ELMO1: variants seen among roughly 807,000 people sequenced by gnomAD.
ELMO1 encodes the protein engulfment and cell motility protein 1.
In ELMO1, 26 loss-of-function variants were observed where a neutral mutation model predicts 98.9. That is an observed-to-expected ratio of 0.26 (90% CI 0.19 to 0.36). ELMO1 has a LOEUF of 0.36. Ranked by LOEUF, ELMO1 falls within the 10% of genes least tolerant of loss-of-function variation. The pLI, the probability that ELMO1 is intolerant of heterozygous loss-of-function variation, is 1.00. For synonymous variants in ELMO1, 346 were observed against 346.0 expected (o/e 1.00, Z 0.00); for missense variants, 627 against 935.2 (o/e 0.67, Z 4.30).
chr7:37,029,768 C>G (rs1008723596), intron 15 of ELMO1, among the ~76,000 whole-genome samples: 2 of 152,110 alleles, frequency 1.3e-5, no homozygotes, highest in African/African-American at 2.4e-5. Flanking sequence ...ATAAAACATT[C>G]TTTTTTTATT....
chr7:36,894,110 A>G (rs1052075528), intron 17 of ELMO1, among the ~76,000 whole-genome samples: 2 of 152,228 alleles, frequency 1.3e-5, no homozygotes, highest in African/African-American at 4.8e-5. Flanking sequence ...ATATACGGGT[A>G]ACAAAATTGA....
intron 14 of ELMO1, among the ~76,000 whole-genome samples, chr7:37,124,906 C>G (rs576772487): frequency 6.6e-6 from 1 of 152,152 alleles, no homozygotes; most frequent in South Asian, 2.1e-4. Context: ...CTACAGTAAC[C>G]AAAACAGCAT....
At chr7:37,053,735 G>C (rs898366531) in intron 15 of ELMO1, among the ~76,000 whole-genome samples, 2 of 152,144 alleles carry the variant, frequency 1.3e-5, no homozygotes, top group Non-Finnish European at 2.9e-5. Context: ...GATTGACAGG[G>C]TTGTCAACAA....
At chr7:37,289,416 CAT>C (rs978381993) in intron 4 of ELMO1, among the ~76,000 whole-genome samples, 8 of 152,206 alleles carry the variant, frequency 5.3e-5, no homozygotes, top group African/African-American at 1.9e-4. Flanking sequence ...TACCAATCCA[CAT>C]GTCTGCAACA....
chr7:37,360,441 C>T, intron 1 of ELMO1, among the ~76,000 whole-genome samples: 1 of 145,016 alleles, frequency 6.9e-6, no homozygotes, highest in Non-Finnish European at 1.5e-5. Flanking sequence ...AAAAAAAAAA[C>T]ACCAAGGTCG....
Position 36,855,441 on chromosome 7 carries a change from C to T in ELMO1, c.*110G>A. The T allele has an allele frequency of 7.1e-7, 1 of 1,405,482 alleles. No individual in the cohort carries two copies. The highest frequency in any genetic ancestry group is 1.3e-5 in the South Asian group (1 of 79,026). The allele number at this position is 1,405,482 out of a possible 1,614,324, so 87.1% of individuals were successfully genotyped here. ...TGATGCTGAAGGGAATGTGGACCCA[C>T]AGCTTCCCTTTACCAAAGGACGGTT... On this transcript the variant is annotated 3_prime_UTR_variant, in exon 22 of 22. Transcript: ENST00000310758. The surrounding 1 kb of genome is among the most constrained non-coding windows in gnomAD (Gnocchi z 4.2).
At chr7:37,262,244 G>C (rs77380723) in intron 5 of ELMO1, among the ~76,000 whole-genome samples, 7,870 of 152,232 alleles carry the variant, frequency 0.052, 260 homozygotes, top group Middle Eastern at 0.099. Context: ...GTCCCAAGCA[G>C]AGGAATCAAG....
intron 2 of ELMO1, among the ~76,000 whole-genome samples, chr7:37,324,271 CCTG>C (rs2131158713): frequency 6.6e-6 from 1 of 152,322 alleles, no homozygotes. Flanking sequence ...TTGACACTGG[CCTG>C]CTGAGACTGG....
At chr7:37,245,551 C>T (rs2130714504) in intron 6 of ELMO1, among the ~76,000 whole-genome samples, 1 of 152,308 alleles carries the variant, frequency 6.6e-6, no homozygotes, top group African/African-American at 2.4e-5. Flanking sequence ...TGCTCCCCCT[C>T]CTTTACCTGC....
intron 13 of ELMO1, among the ~76,000 whole-genome samples, chr7:37,168,041 T>C (rs988343852): frequency 2.0e-5 from 3 of 151,636 alleles, no homozygotes; most frequent in Admixed American, 6.6e-5. Context: ...TTCATTTCTT[T>C]TTATTCTTTT....
intron 13 of ELMO1, among the ~76,000 whole-genome samples, chr7:37,179,347 G>A (rs1309358027): frequency 7.1e-6 from 1 of 141,778 alleles, no homozygotes; most frequent in Non-Finnish European, 1.5e-5. Flanking sequence ...GCGCGATCTT[G>A]GCTCACTGCA....
chr7:37,099,783 A>T (rs1784542970), intron 14 of ELMO1, among the ~76,000 whole-genome samples: 1 of 152,008 alleles, frequency 6.6e-6, no homozygotes, highest in Non-Finnish European at 1.5e-5. Flanking sequence ...CAAAAGGCAG[A>T]GGTGACTTTC....
chr7:37,060,745 T>C (rs1368930676), intron 15 of ELMO1, among the ~76,000 whole-genome samples: 1 of 152,206 alleles, frequency 6.6e-6, no homozygotes, highest in Non-Finnish European at 1.5e-5. Flanking sequence ...CATAAAATAT[T>C]AGGTCATTGG....
intron 13 of ELMO1, among the ~76,000 whole-genome samples, chr7:37,194,121 T>C (rs2130212235): frequency 6.6e-6 from 1 of 152,290 alleles, no homozygotes; most frequent in East Asian, 1.9e-4. Context: ...CTCTGCTCTA[T>C]AGTTTCCCAG....
At chr7:37,291,889 T>C (rs896048976) in intron 4 of ELMO1, among the ~76,000 whole-genome samples, 75 of 144,946 alleles carry the variant, frequency 5.2e-4, no homozygotes, top group African/African-American at 1.8e-3. Context: ...CACCGCAGCC[T>C]GGGCTACAAG....
At chr7:37,061,864 A>T (rs1796685371) in intron 15 of ELMO1, among the ~76,000 whole-genome samples, 1 of 152,134 alleles carries the variant, frequency 6.6e-6, no homozygotes, top group Non-Finnish European at 1.5e-5. Flanking sequence ...TTCATTCAGG[A>T]TTTTATCCTT....
chr7:36,916,292 C>T (rs1784686167), intron 16 of ELMO1, among the ~76,000 whole-genome samples: 1 of 152,170 alleles, frequency 6.6e-6, no homozygotes. Flanking sequence ...TCATCTAGGT[C>T]CAGCTTCTAC....
chr7:36,867,340 G>T (rs939408913), intron 20 of ELMO1, among the ~76,000 whole-genome samples: 1 of 152,098 alleles, frequency 6.6e-6, no homozygotes, highest in African/African-American at 2.4e-5. Context: ...CTGATACAAG[G>T]CCAAATATAC....
intron 1 of ELMO1, among the ~76,000 whole-genome samples, chr7:37,381,140 G>T (rs1045427054): frequency 2.0e-5 from 3 of 152,186 alleles, no homozygotes; most frequent in African/African-American, 7.2e-5. Flanking sequence ...TGATTTGGGG[G>T]TTACAAATAG....
Sources: allele counts gnomAD v4.1 joint callset (sites outside exome capture counted in the v4.1 genomes callset), GRCh38; gene constraint gnomAD v4.1.1; non-coding constraint Gnocchi (gnomAD v3.1); transcripts MANE v1.5; gene names NCBI Gene and HGNC (gene_info 2026-07-23, HGNC 2026-07-21).